The following TENM2 variants were observed in gnomAD, a reference collection of about 807,000 sequenced individuals.
The protein encoded by TENM2 is teneurin transmembrane protein 2.
TENM2 carries 52 observed loss-of-function variants against 245.2 expected under a neutral mutation model. The observed-to-expected ratio is 0.21, with a 90% CI of 0.17 to 0.27. The LOEUF (loss-of-function observed/expected upper bound fraction) is 0.27. TENM2 is among the 10% of genes least tolerant of loss of function. TENM2 has a pLI of 1.00. For synonymous variants in TENM2, 1,363 were observed against 1,438.9 expected (o/e 0.95, Z 1.19); for missense variants, 3,046 against 3,666.8 (o/e 0.83, Z 4.37).
intron 2 of TENM2, among the ~76,000 whole-genome samples, chr5:167,753,475 A>G (rs886535533): frequency 4.6e-5 from 7 of 152,198 alleles, no homozygotes; most frequent in African/African-American, 7.2e-5. Context: ...CCCTTGTGCA[A>G]AGAGTAATTA....
intron 2 of TENM2, among the ~76,000 whole-genome samples, chr5:167,871,036 C>G (rs754022388): frequency 9.9e-5 from 15 of 152,046 alleles, no homozygotes; most frequent in Non-Finnish European, 1.6e-4. Flanking sequence ...ATATTTACTG[C>G]TTTGGGGATG....
intron 14 of TENM2, among the ~76,000 whole-genome samples, chr5:168,193,117 C>T (rs185799495): frequency 2.6e-5 from 4 of 152,156 alleles, no homozygotes; most frequent in Admixed American, 6.5e-5. Context: ...GAAAGCGTCT[C>T]GGAAGCTTTA....
chr5:167,082,511 T>C, the TENM2 span, among the ~76,000 whole-genome samples: 1 of 152,100 alleles, frequency 6.6e-6, no homozygotes, highest in Non-Finnish European at 1.5e-5. Flanking sequence ...GGTCTCAAAC[T>C]CCTGACCTCA....
chr5:167,270,261 G>T, the TENM2 span, among the ~76,000 whole-genome samples: 1 of 152,132 alleles, frequency 6.6e-6, no homozygotes, highest in Non-Finnish European at 1.5e-5. Flanking sequence ...TAGAATACTG[G>T]TACTTAACTT....
intron 2 of TENM2, among the ~76,000 whole-genome samples, chr5:167,691,868 T>C (rs1226559620): frequency 6.6e-6 from 1 of 152,148 alleles, no homozygotes; most frequent in African/African-American, 2.4e-5. Context: ...CCCAAACCAG[T>C]TGGCTTTTGC....
chr5:167,649,794 C>T (rs751540934), intron 2 of TENM2, among the ~76,000 whole-genome samples: 3 of 152,110 alleles, frequency 2.0e-5, no homozygotes, highest in Non-Finnish European at 2.9e-5. Flanking sequence ...ATATGTGAAT[C>T]CCCTGTCCTC....
At chr5:167,281,313 C>T (rs1357959335), upstream of TENM2, among the ~76,000 whole-genome samples, 2 of 148,782 alleles carry the variant, frequency 1.3e-5, no homozygotes, top group East Asian at 4.0e-4. Context: ...GACGGGATTT[C>T]CTCATCTTGG....
intron 24 of TENM2, 119 bp downstream of exon 26, chr5:168,226,382 G>T: frequency 1.2e-6 from 1 of 840,546 alleles, no homozygotes; most frequent in Non-Finnish European, 1.8e-6. Context: ...CGTACCCCTA[G>T]CTTTCTATTT....
chr5:167,975,694 G>T (rs1223303341), intron 4 of TENM2, among the ~76,000 whole-genome samples: 2 of 152,034 alleles, frequency 1.3e-5, no homozygotes, highest in African/African-American at 2.4e-5. Flanking sequence ...TTGTACCTAT[G>T]GCTATTACAC....
the TENM2 span, among the ~76,000 whole-genome samples, chr5:167,263,855 C>T: frequency 4.5e-4 from 69 of 152,068 alleles, 2 homozygotes; most frequent in East Asian, 0.013. Context: ...TGGTGGCTCA[C>T]GGCTTTGGGA....
In TENM2 at chr5:168,119,068, C is replaced by T. The variant is rs554977579; in HGVS notation, c.2008+582C>T. Among the ~76,000 whole-genome samples the T allele has an allele frequency of 9.9e-5, 15 of 152,230 alleles. No individual in the cohort carries two copies. In the South Asian group the frequency reaches 2.7e-3, roughly 27 times the overall value. ...AGCAAAAATTAATATCAATAGACAGCAGTCAGGCTTGAAAGACTGTAGGTT... is the reference window on the plus strand; with the variant it reads ...AGCAAAAATTAATATCAATAGACAGTAGTCAGGCTTGAAAGACTGTAGGTT... On this transcript the variant is annotated intron_variant, in intron 10 of 28. Coordinates refer to ENST00000518659, the Ensembl canonical transcript of TENM2.
the TENM2 span, among the ~76,000 whole-genome samples, chr5:167,225,633 T>C: frequency 6.6e-6 from 1 of 152,066 alleles, no homozygotes; most frequent in African/African-American, 2.4e-5. Context: ...TTTTATTTTT[T>C]GTTATGTTCT....
chr5:167,773,675 C>A (rs1763547376), intron 2 of TENM2, among the ~76,000 whole-genome samples: 1 of 152,004 alleles, frequency 6.6e-6, no homozygotes, highest in African/African-American at 2.4e-5. Context: ...TAAATTAGGT[C>A]CTGAAAATGG....
chr5:168,110,039 CTTTTTTT>C (rs5873091), intron 9 of TENM2, among the ~76,000 whole-genome samples: 1 of 121,896 alleles, frequency 8.2e-6, no homozygotes, highest in Non-Finnish European at 1.7e-5. Flanking sequence ...AAGAACCCTT[CTTTTTTT>C]TTTTTTTTTT....
chr5:168,162,495 A>C, intron 12 of TENM2, 116 bp from the exon 15 acceptor site: 1 of 1,122,282 alleles, frequency 8.9e-7, no homozygotes, highest in Non-Finnish European at 1.3e-6. Context: ...CGCGGGCCCC[A>C]CTGTGAGGCT....
At chr5:167,124,172 A>G in the TENM2 span, among the ~76,000 whole-genome samples, 235 of 152,302 alleles carry the variant, frequency 1.5e-3, 1 homozygote, top group East Asian at 0.039. Flanking sequence ...CCATAAATCA[A>G]TGGGTTAGGT....
At chr5:167,312,094 C>T (rs1756065637) in intron 1 of TENM2, among the ~76,000 whole-genome samples, 1 of 152,018 alleles carries the variant, frequency 6.6e-6, no homozygotes. Flanking sequence ...TTCCCTTGAC[C>T]ATATGCATAT....
the TENM2 span, among the ~76,000 whole-genome samples, chr5:167,196,229 A>G: frequency 6.6e-6 from 1 of 152,048 alleles, no homozygotes; most frequent in Non-Finnish European, 1.5e-5. Flanking sequence ...ACATAGACAA[A>G]GTACAGTAAA....
At chr5:168,227,264 C>T (rs1764285167) in intron 24 of TENM2, among the ~76,000 whole-genome samples, 1 of 152,228 alleles carries the variant, frequency 6.6e-6, no homozygotes, top group Non-Finnish European at 1.5e-5. Context: ...AAGATAAACA[C>T]ATTATCAGCA....
Sources: allele counts gnomAD v4.1 joint callset (sites outside exome capture counted in the v4.1 genomes callset), GRCh38; gene constraint gnomAD v4.1.1; transcripts MANE v1.5; gene names NCBI Gene and HGNC (gene_info 2026-07-23, HGNC 2026-07-21).